Variants in NSUN3 observed in about 807,000 individuals in gnomAD.
NSUN3 encodes NOP2/Sun RNA methyltransferase 3, also known as tRNA (cytosine(34)-C(5))-methyltransferase, mitochondrial.
Under a neutral mutation model 36.8 loss-of-function variants are expected in NSUN3, and 24 were observed. The ratio of observed to expected loss-of-function variants is 0.65; its 90% CI spans 0.47 to 0.92. NSUN3 has a LOEUF of 0.92. NSUN3 is among the 40% of genes least tolerant of loss of function. NSUN3 has a pLI of 0.00. For missense variants in NSUN3, 381 were observed against 392.8 expected, an observed-to-expected ratio of 0.97 and a Z score of 0.25; for synonymous variants, 146 against 145.2, an observed-to-expected ratio of 1.01 and a Z score of -0.04.
intron 5 of NSUN3, among the ~76,000 whole-genome samples, chr3:94,097,570 T>C (rs928647713): frequency 6.6e-6 from 1 of 152,192 alleles, no homozygotes; most frequent in Non-Finnish European, 1.5e-5. Flanking sequence ...TCTGCTAGCA[T>C]TTTTCTTGAT....
intron 3 of NSUN3, among the ~76,000 whole-genome samples, chr3:94,091,379 T>G (rs186665651): frequency 4.6e-4 from 70 of 152,178 alleles, no homozygotes; most frequent in African/African-American, 1.7e-3. Context: ...TCACCAACAA[T>G]TCTGAAGGAT....
intron 5 of NSUN3, among the ~76,000 whole-genome samples, chr3:94,103,502 T>C (rs780724268): frequency 2.6e-5 from 4 of 151,612 alleles, no homozygotes; most frequent in Non-Finnish European, 5.9e-5. Context: ...ATATATTTAT[T>C]GATTTATTTA....
intron 2 of NSUN3, among the ~76,000 whole-genome samples, chr3:94,078,525 T>G (rs2077255469): frequency 6.6e-6 from 1 of 152,182 alleles, no homozygotes; most frequent in Non-Finnish European, 1.5e-5. Flanking sequence ...CTGTCTAATA[T>G]TGACAGCGGG....
chr3:94,101,548 A>G (rs2077366237), intron 5 of NSUN3, among the ~76,000 whole-genome samples: 1 of 152,136 alleles, frequency 6.6e-6, no homozygotes, highest in Non-Finnish European at 1.5e-5. Flanking sequence ...AGAATTTTCT[A>G]TTGAATTTAC....
At chr3:94,063,283 C>A in intron 1 of NSUN3, 145 bp downstream of exon 1, 1 of 854,342 alleles carries the variant, frequency 1.2e-6, no homozygotes, top group Non-Finnish European at 2.0e-6. Context: ...GCTTTACTGT[C>A]AAGCCCTGAA....
chr3:94,094,936 AT>A, intron 4 of NSUN3, 96 bp from the exon 5 acceptor site: 1 of 1,233,410 alleles, frequency 8.1e-7, no homozygotes. Flanking sequence ...CTTATTTCCT[AT>A]TTGTTTACCA....
At chr3:94,096,747 G>A (rs150977411) in intron 5 of NSUN3, among the ~76,000 whole-genome samples, 64 of 152,078 alleles carry the variant, frequency 4.2e-4, no homozygotes, top group Middle Eastern at 6.8e-3. Context: ...TGATCTGCCC[G>A]CCTTGGCCTC....
chr3:94,119,275 G>T (rs2077452271), intron 5 of NSUN3, among the ~76,000 whole-genome samples: 2 of 152,090 alleles, frequency 1.3e-5, no homozygotes, highest in Non-Finnish European at 2.9e-5. Context: ...CATTGAACTT[G>T]TCTGATTATA....
intron 5 of NSUN3, among the ~76,000 whole-genome samples, chr3:94,099,786 C>T (rs896616440): frequency 7.6e-5 from 11 of 145,632 alleles, no homozygotes; most frequent in Non-Finnish European, 1.5e-4. Flanking sequence ...TTATCTCCTG[C>T]CCTTGACTTC....
intron 5 of NSUN3, among the ~76,000 whole-genome samples, chr3:94,120,108 A>G (rs908727299): frequency 6.6e-6 from 1 of 152,260 alleles, no homozygotes; most frequent in African/African-American, 2.4e-5. Flanking sequence ...CTTTAATGAA[A>G]AAGAATCATA....
At chr3:94,077,068 A>G (rs1170466165) in intron 2 of NSUN3, 3 of 790,824 alleles carry the variant, frequency 3.8e-6, no homozygotes, top group Non-Finnish European at 7.0e-6. Context: ...AGCCTGCGTC[A>G]TCACCAAATC....
chr3:94,098,575 T>C, intron 5 of NSUN3, among the ~76,000 whole-genome samples: 1 of 152,196 alleles, frequency 6.6e-6, no homozygotes, highest in East Asian at 1.9e-4. Context: ...TTCATACTGT[T>C]AGTGTAATAC....
chr3:94,124,960 C>T (rs1302731842), intron 5 of NSUN3, among the ~76,000 whole-genome samples: 1 of 152,052 alleles, frequency 6.6e-6, no homozygotes, highest in Non-Finnish European at 1.5e-5. Flanking sequence ...TGTAATTGAT[C>T]CACCTTGTCT....
At chr3:94,113,373 C>T (rs866243856) in intron 5 of NSUN3, among the ~76,000 whole-genome samples, 15 of 152,124 alleles carry the variant, frequency 9.9e-5, no homozygotes, top group African/African-American at 2.4e-4. Flanking sequence ...TTAGTTTTCT[C>T]ATCTGCAAAG....
chr3:94,104,034 A>C (rs1358601859), intron 5 of NSUN3, among the ~76,000 whole-genome samples: 1 of 152,248 alleles, frequency 6.6e-6, no homozygotes, highest in Non-Finnish European at 1.5e-5. Flanking sequence ...TATTTATGGC[A>C]TGCTTTAAGC....
chr3:94,107,974 C>CTTTT (rs11437686), intron 5 of NSUN3, among the ~76,000 whole-genome samples: 8 of 114,456 alleles, frequency 7.0e-5, no homozygotes, highest in East Asian at 2.5e-4. Flanking sequence ...TTTTTTTTTC[C>CTTTT]TTTTTTTTTT....
chr3:94,119,273 T>G (rs902929543), intron 5 of NSUN3, among the ~76,000 whole-genome samples: 5 of 152,226 alleles, frequency 3.3e-5, no homozygotes, highest in Non-Finnish European at 7.3e-5. Flanking sequence ...ATCATTGAAC[T>G]TGTCTGATTA....
chr3:94,070,282 C>G (rs1214084282), intron 2 of NSUN3, among the ~76,000 whole-genome samples: 1 of 151,990 alleles, frequency 6.6e-6, no homozygotes, highest in Non-Finnish European at 1.5e-5. Flanking sequence ...GGCAATATAG[C>G]AAGACCTCAT....
In NSUN3 at chr3:94,129,387, C is replaced by G. The variant is rs974224684; in HGVS notation, c.*2897C>G. Among the ~76,000 whole-genome samples the G allele has an allele frequency of 6.6e-6, 1 of 152,090 alleles. No individual in the cohort carries two copies. The highest frequency in any genetic ancestry group is 1.5e-5 in the Non-Finnish European group (1 of 68,002). ...TGCAGCTGGATGCTTTTATCCTAAGCAAATTCAGGAACAGAAAACTAAATA... is the reference window on the plus strand; with the variant it reads ...TGCAGCTGGATGCTTTTATCCTAAGGAAATTCAGGAACAGAAAACTAAATA... On this transcript the variant is annotated 3_prime_UTR_variant, in exon 6 of 6. Coordinates refer to ENST00000314622, the MANE Select transcript of NSUN3 (RefSeq NM_022072.5).
Sources: gnomAD v4.1 joint callset for allele counts (sites outside exome capture counted in the v4.1 genomes callset) on GRCh38, gnomAD v4.1.1 for gene constraint, MANE v1.5 for transcripts, NCBI Gene and HGNC (gene_info 2026-07-23, HGNC 2026-07-21) for gene names.